ISM1: variants seen among roughly 807,000 people sequenced by gnomAD.
The protein encoded by ISM1 is isthmin-1.
In ISM1, 25 loss-of-function variants were observed where a neutral mutation model predicts 46.3. The ratio of observed to expected loss-of-function variants is 0.54; its 90% CI spans 0.39 to 0.75. ISM1 has a LOEUF of 0.75. Among genes scored for constraint, ISM1 ranks in the 30% least tolerant of loss-of-function variants. The pLI is 0.00. For synonymous variants in ISM1, 255 were observed against 256.7 expected (o/e 0.99, Z 0.06); for missense variants, 536 against 625.4 (o/e 0.86, Z 1.52).
At position 13,221,550 on chromosome 20, in the gene ISM1, G is replaced by C. The variant is rs1334148159; in HGVS notation, c.-227G>C. On this transcript the variant is annotated 5_prime_UTR_variant, in exon 1 of 6. Coordinates refer to ENST00000262487, the MANE Select transcript of ISM1 (RefSeq NM_080826.2). ...CCCGGCCTCGCGGTGGCTCCGCCGT[G>C]GTGCGGCGGCGGCGGCGGCGGCGGC... Among the ~76,000 whole-genome samples, 4 of 143,670 alleles carry C rather than the reference G, an allele frequency of 2.8e-5. No homozygotes were observed. Among genetic ancestry groups the C allele is most frequent in the African/African-American group, 1.0e-4 (4 of 40,036 alleles). The allele number at this position is 143,670 out of a possible 152,430, so 94.3% of individuals were successfully genotyped here.
At chr20:13,324,723 G>A in the ISM1 span, among the ~76,000 whole-genome samples, 1 of 152,122 alleles carries the variant, frequency 6.6e-6, no homozygotes, top group African/African-American at 2.4e-5. Flanking sequence ...TCTTGAGGTT[G>A]GTGTCAAGCC....
chr20:13,262,448 GGTTT>G (rs1169198405), intron 1 of ISM1, among the ~76,000 whole-genome samples: 9 of 152,122 alleles, frequency 5.9e-5, no homozygotes, highest in African/African-American at 2.2e-4. Flanking sequence ...ATGTGTGAAG[GGTTT>G]GTTTTTCTTT....
chr20:13,290,257 C>A (rs546400268), intron 4 of ISM1, among the ~76,000 whole-genome samples: 224 of 150,600 alleles, frequency 1.5e-3, no homozygotes, highest in Non-Finnish European at 2.5e-3. Flanking sequence ...TAAATAATAA[C>A]AATATGAGGA....
chr20:13,254,772 T>C (rs987550856), intron 1 of ISM1, among the ~76,000 whole-genome samples: 3 of 152,344 alleles, frequency 2.0e-5, no homozygotes, highest in Admixed American at 2.0e-4. Flanking sequence ...CTTTTCCACC[T>C]CTGCCAGAGC....
intron 3 of ISM1, among the ~76,000 whole-genome samples, chr20:13,287,920 C>T (rs2040311285): frequency 6.6e-6 from 1 of 152,198 alleles, no homozygotes; most frequent in African/African-American, 2.4e-5. Context: ...AGGTACTCTG[C>T]TCCTGATGGC....
At position 13,230,755 on chromosome 20, in the gene ISM1, AG is replaced by A. The variant is rs375286066; in HGVS notation, c.138+8842del. On this transcript the variant is annotated intron_variant, in intron 1 of 5. Transcript: ENST00000262487. ...AAGGGAATGTGTTGTAGAAAAAAAA[AG>A]AAAAGAAAAGAAAAAAAAACCTCAC... 2.8e-4 allele frequency among the ~76,000 whole-genome samples: 42 copies of A among 151,504 alleles called. 1 individual carries two copies. Among genetic ancestry groups the A allele is most frequent in the African/African-American group, 7.5e-4 (31 of 41,338 alleles).
At chr20:13,268,178 CCTCTT>C (rs1427800163) in intron 1 of ISM1, among the ~76,000 whole-genome samples, 57 of 114,482 alleles carry the variant, frequency 5.0e-4, no homozygotes, top group Admixed American at 1.3e-3. Context: ...CCTCTCCTCT[CCTCTT>C]CTCTTCACTT....
Position 13,270,678 on chromosome 20 carries a change from C to T in ISM1, c.313C>T (p.Leu105Phe), listed in dbSNP as rs76665689. 2,036 of 1,613,910 alleles carry T rather than the reference C, an allele frequency of 1.3e-3. 11 individuals are homozygous for T. The highest frequency in any genetic ancestry group is 9.1e-3 in the Middle Eastern group (55 of 6,062). Residue 105 changes from leucine to phenylalanine, a missense_variant, in exon 2 of 6, where the codon CTT (leucine) becomes TTT (phenylalanine). Transcript: ENST00000262487. ...LQRDFPRSFL[L>F]DLPNFPDLSK... ...AAGAGATTTCCCCAGATCCTTTCTC[C>T]TTGATCTACCAAACTTTCCAGATCT...
chr20:13,239,984 A>G (rs1478757516), intron 1 of ISM1, among the ~76,000 whole-genome samples: 1 of 152,228 alleles, frequency 6.6e-6, no homozygotes, highest in Non-Finnish European at 1.5e-5. Context: ...ATCCTGCTAC[A>G]TGGTGGTTGC....
In ISM1 at chr20:13,299,181, C is replaced by G; in HGVS notation, c.1117C>G (p.Leu373Val). Residue 373 changes from leucine (L) to valine (V), a missense_variant, in exon 6 of 6, where the codon CTG becomes GTG. Around this residue, in one of 2 missense-constraint regions of ISM1, gnomAD observed 169 missense variants for 249.3 expected, o/e 0.68. Coordinates refer to ENST00000262487, the MANE Select transcript of ISM1 (RefSeq NM_080826.2). This position sits in a 1 kb window ranked among gnomAD's most constrained non-coding sequence, Gnocchi z 5.8. The stretch of plus-strand genomic sequence containing the variant: ...TGCCCGGTACTGCATCCGCTCCATG[C>G]TGTCCCTGGAGAGCACCACGCTGGC... Reference protein sequence around the residue: ...PTARYCIRSMLSLESTTLAAQ... With the variant: ...PTARYCIRSMVSLESTTLAAQ... The G allele has an allele frequency of 6.2e-7, 1 of 1,607,152 alleles. No individual in the cohort carries two copies. Among genetic ancestry groups the G allele is most frequent in the Non-Finnish European group, 8.5e-7 (1 of 1,176,840 alleles).
intron 1 of ISM1, 57 bp from the exon 2 acceptor site, chr20:13,270,447 T>G: frequency 6.5e-7 from 1 of 1,546,150 alleles, no homozygotes; most frequent in Non-Finnish European, 8.7e-7. Context: ...CTGTTAAGGG[T>G]GACATTTTTT....
intron 2 of ISM1, among the ~76,000 whole-genome samples, chr20:13,276,925 T>G (rs1322461851): frequency 6.6e-6 from 1 of 152,214 alleles, no homozygotes; most frequent in Non-Finnish European, 1.5e-5. Context: ...CTTTGTTAAC[T>G]GTAGGGAAGG....
chr20:13,265,179 C>T (rs929834559), intron 1 of ISM1, among the ~76,000 whole-genome samples: 2 of 152,214 alleles, frequency 1.3e-5, no homozygotes, highest in African/African-American at 4.8e-5. Context: ...ACCTGAGAGA[C>T]TCCTTCACCA....
chr20:13,296,112 AT>A (rs1350520835), intron 5 of ISM1, among the ~76,000 whole-genome samples: 14 of 152,064 alleles, frequency 9.2e-5, no homozygotes, highest in Admixed American at 6.5e-5. Flanking sequence ...TTCCTTAGAT[AT>A]GCCTCATCTT....
chr20:13,313,665 C>T, the ISM1 span, among the ~76,000 whole-genome samples: 74 of 152,202 alleles, frequency 4.9e-4, 1 homozygote, highest in Non-Finnish European at 5.1e-4. Flanking sequence ...CACCTTACCA[C>T]ATCACTAAAG....
chr20:13,268,114 G>GTCTCC (rs1555812431), intron 1 of ISM1, among the ~76,000 whole-genome samples: 1 of 140,392 alleles, frequency 7.1e-6, no homozygotes, highest in Non-Finnish European at 1.5e-5. Context: ...CTCCTCTCCT[G>GTCTCC]TCTTCTCTTC....
Position 13,270,308 on chromosome 20 carries a change from A to G in ISM1, c.139-196A>G, listed in dbSNP as rs3761892. Among the ~76,000 whole-genome samples, 27 of 152,350 alleles carry G rather than the reference A, an allele frequency of 1.8e-4. No homozygotes were observed. The East Asian group carries it at 5.2e-3, about 29-fold the overall frequency. On this transcript the variant is annotated intron_variant, in intron 1 of 5. Transcript: ENST00000262487. ...TCAGAAAATTCCCAAGTAGCAGGCTAGAAGTTTTCTGATGATCTGGCTTTT... is the reference window on the plus strand; with the variant it reads ...TCAGAAAATTCCCAAGTAGCAGGCTGGAAGTTTTCTGATGATCTGGCTTTT...
intron 3 of ISM1, among the ~76,000 whole-genome samples, chr20:13,280,189 AGTTTT>A (rs1568684385): frequency 6.6e-6 from 1 of 150,666 alleles, no homozygotes; most frequent in Non-Finnish European, 1.5e-5. Context: ...CTCAAATTTC[AGTTTT>A]ATTTCTAAAA....
chr20:13,224,015 C>T (rs2039483777), intron 1 of ISM1, among the ~76,000 whole-genome samples: 4 of 152,002 alleles, frequency 2.6e-5, no homozygotes. Context: ...GGGAAGTGGA[C>T]TGAATTCTCA....
Sources: allele counts gnomAD v4.1 joint callset (sites outside exome capture counted in the v4.1 genomes callset), GRCh38; gene constraint gnomAD v4.1.1; regional missense constraint gnomAD v4.1.1; non-coding constraint Gnocchi (gnomAD v3.1); transcripts MANE v1.5; gene names NCBI Gene and HGNC (gene_info 2026-07-23, HGNC 2026-07-21).